PDE6D: variants seen among roughly 807,000 people sequenced by gnomAD.
PDE6D encodes retinal rod rhodopsin-sensitive cGMP 3',5'-cyclic phosphodiesterase subunit delta.
PDE6D carries 10 observed loss-of-function variants against 21.9 expected under a neutral mutation model. That is an observed-to-expected ratio of 0.46 (90% CI 0.28 to 0.78). The LOEUF is 0.78. Ranked by LOEUF, PDE6D falls within the 30% of genes least tolerant of loss-of-function variation. The pLI is 0.12. For missense variants in PDE6D, 139 were observed against 184.8 expected (o/e 0.75, Z 1.44); for synonymous variants, 59 against 63.5 (o/e 0.93, Z 0.34).
At position 231,739,869 on chromosome 2, in the gene PDE6D, T is replaced by C. The variant is rs1216611531; in HGVS notation, c.51-681A>G. 6.6e-6 allele frequency among the ~76,000 whole-genome samples: 1 copy of C among 152,134 alleles called. No individual in the cohort carries two copies. The highest frequency in any genetic ancestry group is 1.5e-5 in the Non-Finnish European group (1 of 68,030). ...CTGGTCTCGAACTCCTGACCTCAAG[T>C]GATCTGTCTGCCTCAGCCTCTGAGT... On this transcript the variant is annotated intron_variant, in intron 1 of 4. Transcript: ENST00000287600. This position sits in a 1 kb window ranked among gnomAD's most constrained non-coding sequence, Gnocchi z 4.2.
chr2:231,774,911 T>G (rs1212486461), intron 1 of PDE6D, among the ~76,000 whole-genome samples: 1 of 147,214 alleles, frequency 6.8e-6, no homozygotes, highest in African/African-American at 2.5e-5. Context: ...TTTTAATAAA[T>G]TTTTATTTTT....
In PDE6D at chr2:231,734,222, T is replaced by TA. The variant is rs533454621; in HGVS notation, c.372-1190dup. ...GAGCGAGACTCTGTCTCAAAAAAAA[T>TA]AAAAAAAAATAAAAAATAAAAAGTT... is the stretch of plus-strand genomic sequence containing the variant. On this transcript the variant is annotated intron_variant, in intron 4 of 4. Coordinates refer to ENST00000287600, the MANE Select transcript of PDE6D (RefSeq NM_002601.4). Among the ~76,000 whole-genome samples the TA allele has an allele frequency of 4.2e-3, 626 of 149,668 alleles. 3 individuals are homozygous for TA. Among genetic ancestry groups the TA allele is most frequent in the Middle Eastern group, 0.01 (3 of 290 alleles).
rs139035105 is a variant in PDE6D, at chr2:231,751,115, T to G, written c.51-11927A>C. Among the ~76,000 whole-genome samples, 37 of 140,388 alleles carry G rather than the reference T, an allele frequency of 2.6e-4. No homozygotes were observed. In the East Asian group the frequency reaches 6.8e-3, roughly 26 times the overall value. 92.1% of individuals were successfully genotyped at this position (140,388 alleles called of 152,430 possible). On this transcript the variant is annotated intron_variant, in intron 1 of 4. Coordinates refer to ENST00000287600, the MANE Select transcript of PDE6D (RefSeq NM_002601.4). ...AATTGTTTTATCAGGTGTTATTCTA[T>G]TCTAGTCTTTTTTTTTTAAAAATAA... is the stretch of plus-strand genomic sequence containing the variant.
At chr2:231,747,277 G>C (rs535450272) in intron 1 of PDE6D, among the ~76,000 whole-genome samples, 56 of 152,300 alleles carry the variant, frequency 3.7e-4, no homozygotes, top group Non-Finnish European at 6.6e-4. Flanking sequence ...TTTTAGTAGA[G>C]ACGGGGTTTC....
Position 231,737,993 on chromosome 2 carries a change from G to T in PDE6D, c.265+20C>A. 1 of 1,608,540 alleles carries T rather than the reference G, an allele frequency of 6.2e-7. No individual in the cohort carries two copies. Among genetic ancestry groups the T allele is most frequent in the Non-Finnish European group, 8.5e-7 (1 of 1,177,282 alleles). ...TGGTCGCCCTAAGCCCTGATTTCAG[G>T]CATGTAGGCAGCAGAATACCTTCTA... On this transcript the variant is annotated intron_variant, in intron 3 of 4. Transcript: ENST00000287600.
At chr2:231,744,787 T>C (rs2048780388) in intron 1 of PDE6D, among the ~76,000 whole-genome samples, 1 of 152,172 alleles carries the variant, frequency 6.6e-6, no homozygotes, top group Non-Finnish European at 1.5e-5. Context: ...TAAAATATAT[T>C]TATATGTTTA....
At chr2:231,770,772 G>C (rs111454015) in intron 1 of PDE6D, among the ~76,000 whole-genome samples, 5,650 of 152,154 alleles carry the variant, frequency 0.037, 334 homozygotes, top group African/African-American at 0.12. Context: ...GGCCAACGTG[G>C]TGAAACCCTG....
In PDE6D at chr2:231,739,130, C is replaced by G; in HGVS notation, c.109G>C (p.Asp37His). The G allele has an allele frequency of 6.2e-7, 1 of 1,612,724 alleles. No individual in the cohort carries two copies. Among genetic ancestry groups the G allele is most frequent in the Non-Finnish European group, 8.5e-7 (1 of 1,178,788 alleles). Residue 37 changes from aspartate to histidine, a missense_variant, in exon 2 of 5, where the codon GAC (aspartate) becomes CAC (histidine). By Grantham distance (81) the Asp-to-His change is moderately conservative (BLOSUM62 -1). Transcript: ENST00000287600. This position sits in a 1 kb window ranked among gnomAD's most constrained non-coding sequence, Gnocchi z 4.2. Reference sequence around the variant, plus strand: ...TGCTCCACACCAGGGACAGACAGGTCTTCTGTTCCTTGCCAGAGTATCTTC... The same window carrying G: ...TGCTCCACACCAGGGACAGACAGGTGTTCTGTTCCTTGCCAGAGTATCTTC... ...TGKILWQGTEDLSVPGVEHEA... is the reference protein window; with the variant it reads ...TGKILWQGTEHLSVPGVEHEA...
chr2:231,740,297 A>G (rs1283867143), intron 1 of PDE6D, among the ~76,000 whole-genome samples: 2 of 152,210 alleles, frequency 1.3e-5, no homozygotes, highest in African/African-American at 4.8e-5. Context: ...AAAGAACTCT[A>G]GAAACACATA....
intron 1 of PDE6D, among the ~76,000 whole-genome samples, chr2:231,771,437 T>C (rs1278824928): frequency 6.6e-6 from 1 of 152,178 alleles, no homozygotes; most frequent in Non-Finnish European, 1.5e-5. Context: ...CGATCCTCAA[T>C]TCCTTAGTCT....
At position 231,739,246 on chromosome 2, in the gene PDE6D, C is replaced by G; in HGVS notation, c.51-58G>C. On this transcript the variant is annotated intron_variant, in intron 1 of 4. Transcript: ENST00000287600. This position sits in a 1 kb window ranked among gnomAD's most constrained non-coding sequence, Gnocchi z 4.2. ...CTGAAAGTGACTCCCACTTTGTATT[C>G]TAGGTGTCTCATGTTTACTCCCACC... is the stretch of plus-strand genomic sequence containing the variant. 1 of 1,045,748 alleles carries G rather than the reference C, an allele frequency of 9.6e-7. No individual in the cohort carries two copies. Among genetic ancestry groups the G allele is most frequent in the Non-Finnish European group, 1.5e-6 (1 of 661,944 alleles). 64.8% of individuals were successfully genotyped at this position (1,045,748 alleles called of 1,614,324 possible). A position where few individuals can be genotyped will look rare whatever the true frequency, so the allele number is the denominator to read the frequency against.
chr2:231,766,228 T>C (rs1479354283), intron 1 of PDE6D, among the ~76,000 whole-genome samples: 1 of 152,230 alleles, frequency 6.6e-6, no homozygotes, highest in East Asian at 1.9e-4. Context: ...TTGGAAAGTA[T>C]ACAATCAAAA....
At chr2:231,764,296 A>C (rs2048953498) in intron 1 of PDE6D, among the ~76,000 whole-genome samples, 1 of 152,104 alleles carries the variant, frequency 6.6e-6, no homozygotes, top group Non-Finnish European at 1.5e-5. Flanking sequence ...GTGTGCCTTT[A>C]ATCCCAGCTA....
rs971707267 is a variant in PDE6D at position 231,740,998 on chromosome 2, C to T, written c.51-1810G>A. 5.3e-5 allele frequency among the ~76,000 whole-genome samples: 8 copies of T among 150,374 alleles called. No homozygotes were observed. The East Asian group carries it at 1.2e-3, about 22-fold the overall frequency. ...TACCGAAAACACAAAATTAGCCAGA[C>T]GTGGTGGTGCCTGCCTGTAATCCCA... On this transcript the variant is annotated intron_variant, in intron 1 of 4. Coordinates refer to ENST00000287600, the MANE Select transcript of PDE6D (RefSeq NM_002601.4).
chr2:231,760,002 A>G (rs761681802), intron 1 of PDE6D, among the ~76,000 whole-genome samples: 13 of 152,236 alleles, frequency 8.5e-5, no homozygotes, highest in Admixed American at 6.5e-5. Context: ...TTTAATGTAA[A>G]GATATTCATA....
chr2:231,744,828 T>C (rs2048781068), intron 1 of PDE6D, among the ~76,000 whole-genome samples: 2 of 152,368 alleles, frequency 1.3e-5, no homozygotes, highest in South Asian at 4.1e-4. Context: ...TATTCCTGCA[T>C]GTGCCCTAAT....
intron 4 of PDE6D, among the ~76,000 whole-genome samples, chr2:231,734,656 A>G (rs1463335703): frequency 6.7e-6 from 1 of 150,252 alleles, no homozygotes; most frequent in Non-Finnish European, 1.5e-5. Flanking sequence ...CCTGGCTAAC[A>G]TGGTGAAACC....
chr2:231,745,023 G>A (rs1221834732), intron 1 of PDE6D, among the ~76,000 whole-genome samples: 9 of 152,108 alleles, frequency 5.9e-5, no homozygotes, highest in African/African-American at 2.2e-4. Context: ...GTAATTTTAG[G>A]GGTGAAAAGG....
rs1371613968 is a variant in PDE6D at position 231,732,982 on chromosome 2, G to C, written c.423C>G (p.Ser141Arg). The change falls in exon 5 of 5, where the codon AGC becomes AGG. Residue 141 changes from serine (S) to arginine (R), a missense_variant. Ser to Arg is a moderately radical substitution (Grantham distance 110). Coordinates refer to ENST00000287600, the MANE Select transcript of PDE6D (RefSeq NM_002601.4). ...TKFFDDDLLV[S>R]TSRVRLFYV ...CATAGAAAAGTCTCACTCTGGATGT[G>C]CTTACAAGAAGATCGTCGTCAAAAA... 6.2e-7 allele frequency: 1 copy of C among 1,612,228 alleles called. No homozygotes were observed. Among genetic ancestry groups the C allele is most frequent in the Non-Finnish European group, 8.5e-7 (1 of 1,178,406 alleles).
Sources: allele counts gnomAD v4.1 joint callset (sites outside exome capture counted in the v4.1 genomes callset), GRCh38; gene constraint gnomAD v4.1.1; non-coding constraint Gnocchi (gnomAD v3.1); transcripts MANE v1.5; gene names NCBI Gene and HGNC (gene_info 2026-07-23, HGNC 2026-07-21).